The following C1orf21 variants were observed in gnomAD, a reference collection of about 807,000 sequenced individuals.
C1orf21 encodes the protein uncharacterized protein C1orf21.
A neutral mutation model predicts 18.7 loss-of-function variants in C1orf21; 3 were observed. The observed-to-expected ratio is 0.16, with a 90% CI of 0.07 to 0.42. The LOEUF is 0.42. Among genes scored for constraint, C1orf21 ranks in the 10% least tolerant of loss-of-function variants. The pLI, the probability that C1orf21 is intolerant of heterozygous loss-of-function variation, is 0.99. For synonymous variants in C1orf21, 41 were observed against 46.4 expected (o/e 0.88, Z 0.47); for missense variants, 104 against 143.6 (o/e 0.72, Z 1.41).
At chr1:184,527,883 T>C (rs1482031802) in intron 3 of C1orf21, among the ~76,000 whole-genome samples, 8 of 152,204 alleles carry the variant, frequency 5.3e-5, no homozygotes, top group Non-Finnish European at 1.2e-4. Flanking sequence ...AAACACTTAA[T>C]AAATGTTAGC....
chr1:184,560,463 C>T (rs1457747580), intron 3 of C1orf21, among the ~76,000 whole-genome samples: 1 of 152,156 alleles, frequency 6.6e-6, no homozygotes, highest in African/African-American at 2.4e-5. Flanking sequence ...CAAAACCGCA[C>T]TGGTTCATAT....
chr1:184,422,937 G>A (rs1656569266), intron 1 of C1orf21, among the ~76,000 whole-genome samples: 1 of 152,220 alleles, frequency 6.6e-6, no homozygotes, highest in Admixed American at 6.5e-5. Flanking sequence ...AAGCAGTCCT[G>A]TGGAGTGGTT....
intron 3 of C1orf21, among the ~76,000 whole-genome samples, chr1:184,519,580 G>T (rs1658276793): frequency 6.6e-6 from 1 of 152,062 alleles, no homozygotes; most frequent in South Asian, 2.1e-4. Flanking sequence ...TTTAAGGCTG[G>T]GCCACTGTTA....
chr1:184,542,435 A>T (rs1220905813), intron 3 of C1orf21: 2 of 152,222 alleles, frequency 1.3e-5, no homozygotes, highest in Non-Finnish European at 2.9e-5. Flanking sequence ...AGAATGACCC[A>T]ATCGTAGTTC....
intron 2 of C1orf21, among the ~76,000 whole-genome samples, chr1:184,500,988 AC>A (rs1285895927): frequency 6.6e-6 from 1 of 151,976 alleles, no homozygotes; most frequent in African/African-American, 2.4e-5. Context: ...GTTCTTCCTC[AC>A]CTGCCTCAAC....
At chr1:184,448,898 A>G (rs182421211) in intron 1 of C1orf21, among the ~76,000 whole-genome samples, 4 of 152,258 alleles carry the variant, frequency 2.6e-5, no homozygotes, top group Admixed American at 6.5e-5. Context: ...GACCACTTCA[A>G]AGTATATGAG....
chr1:184,520,681 C>G (rs1658294066), intron 3 of C1orf21, among the ~76,000 whole-genome samples: 1 of 151,468 alleles, frequency 6.6e-6, no homozygotes, highest in Admixed American at 6.6e-5. Context: ...TTGGTTTACT[C>G]CTGTTATTTT....
In C1orf21 at chr1:184,460,679, CTTCTTCTTT is replaced by C. The variant is rs1283948800; in HGVS notation, c.-124-16706_-124-16698del. Among the ~76,000 whole-genome samples the C allele has an allele frequency of 2.5e-4, 21 of 82,886 alleles. No homozygotes were observed. The Admixed American group carries it at 3.0e-3, about 12-fold the overall frequency. 54.4% of individuals were successfully genotyped at this position (82,886 alleles called of 152,430 possible). The stretch of plus-strand genomic sequence containing the variant: ...TCTTCTTCTTCTTCTTCTTCTTCTT[CTTCTTCTTT>C]CTTCTTTCTTTTTTTCTCTTCTTCC... On this transcript the variant is annotated intron_variant, in intron 1 of 5. Coordinates refer to ENST00000235307, the MANE Select transcript of C1orf21 (RefSeq NM_030806.4).
At chr1:184,557,741 T>G (rs1220267038) in intron 3 of C1orf21, among the ~76,000 whole-genome samples, 1 of 152,246 alleles carries the variant, frequency 6.6e-6, no homozygotes, top group African/African-American at 2.4e-5. Context: ...AGTTTCAGTT[T>G]CCATTTAGGA....
chr1:184,596,085 C>T (rs531045408), intron 4 of C1orf21, among the ~76,000 whole-genome samples: 10 of 152,266 alleles, frequency 6.6e-5, no homozygotes, highest in African/African-American at 2.4e-4. Context: ...CATTCTTGAT[C>T]GCAGAGGTTG....
intron 5 of C1orf21, among the ~76,000 whole-genome samples, chr1:184,602,847 T>C (rs554879764): frequency 6.6e-6 from 1 of 152,374 alleles, no homozygotes; most frequent in African/African-American, 2.4e-5. Flanking sequence ...TTTATGAAGA[T>C]GTAAGACCCT....
intron 1 of C1orf21, among the ~76,000 whole-genome samples, chr1:184,457,612 T>C (rs1481982650): frequency 6.6e-6 from 1 of 152,142 alleles, no homozygotes. Context: ...GTACTGCATT[T>C]TCCAGACTAT....
chr1:184,402,369 T>TA (rs61349506), intron 1 of C1orf21, among the ~76,000 whole-genome samples: 45,069 of 152,074 alleles, frequency 0.3, 10,296 homozygotes, highest in African/African-American at 0.65. Flanking sequence ...AACCGCTTAT[T>TA]AAAAGTCCAT....
chr1:184,593,366 T>C (rs773766981), intron 4 of C1orf21, among the ~76,000 whole-genome samples: 7 of 152,160 alleles, frequency 4.6e-5, no homozygotes, highest in Non-Finnish European at 8.8e-5. Context: ...TTAAGAAATC[T>C]TTCTGGAGGG....
At chr1:184,412,846 A>C in intron 1 of C1orf21, among the ~76,000 whole-genome samples, 1 of 152,124 alleles carries the variant, frequency 6.6e-6, no homozygotes, top group South Asian at 2.1e-4. Context: ...AGAAAAGAAA[A>C]ATATATATCA....
At chr1:184,544,824 G>A (rs1163933223) in intron 3 of C1orf21, among the ~76,000 whole-genome samples, 1 of 152,130 alleles carries the variant, frequency 6.6e-6, no homozygotes, top group East Asian at 1.9e-4. Flanking sequence ...AGCTCAAGTG[G>A]GGCAGGGGAA....
chr1:184,441,672 T>C (rs939501482), intron 1 of C1orf21, among the ~76,000 whole-genome samples: 2 of 152,200 alleles, frequency 1.3e-5, no homozygotes, highest in Admixed American at 6.5e-5. Flanking sequence ...GAACTAGTAA[T>C]CCTAACCACT....
In C1orf21 at chr1:184,460,289, A is replaced by G. The variant is rs141183245; in HGVS notation, c.-124-17097A>G. ...AATGTTTGCCCTGCTCATTTGAGCAACTGCTCCCATTGTCAGGAGAAGGTC... is the reference window on the plus strand; with the variant it reads ...AATGTTTGCCCTGCTCATTTGAGCAGCTGCTCCCATTGTCAGGAGAAGGTC... On this transcript the variant is annotated intron_variant, in intron 1 of 5. Coordinates refer to ENST00000235307, the MANE Select transcript of C1orf21 (RefSeq NM_030806.4). Among the ~76,000 whole-genome samples, 22 of 152,314 alleles carry G rather than the reference A, an allele frequency of 1.4e-4. No individual in the cohort carries two copies. In the East Asian group the frequency reaches 4.1e-3, roughly 28 times the overall value.
At chr1:184,557,781 G>T (rs12079092) in intron 3 of C1orf21, among the ~76,000 whole-genome samples, 6,770 of 152,020 alleles carry the variant, frequency 0.045, 486 homozygotes, top group African/African-American at 0.15. Flanking sequence ...ATGACCTTTG[G>T]TTATATATTA....
Sources: gnomAD v4.1 joint callset for allele counts (sites outside exome capture counted in the v4.1 genomes callset) on GRCh38, gnomAD v4.1.1 for gene constraint, MANE v1.5 for transcripts, NCBI Gene and HGNC (gene_info 2026-07-23, HGNC 2026-07-21) for gene names.